Variants in WSCD1 observed in about 807,000 individuals in gnomAD.
The protein encoded by WSCD1 is sialate:O-sulfotransferase 1.
Under a neutral mutation model 60.4 loss-of-function variants are expected in WSCD1, and 41 were observed. That is an observed-to-expected ratio of 0.68 (90% CI 0.53 to 0.88). The LOEUF is 0.88. Ranked by LOEUF, WSCD1 falls within the 40% of genes least tolerant of loss-of-function variation. The pLI is 0.00. For missense variants in WSCD1, 784 were observed against 796.2 expected, an observed-to-expected ratio of 0.98 and a Z score of 0.18; for synonymous variants, 361 against 332.5, an observed-to-expected ratio of 1.09 and a Z score of -0.93.
intron 1 of WSCD1, among the ~76,000 whole-genome samples, chr17:6,071,424 A>C (rs1292612945): frequency 6.6e-6 from 1 of 152,164 alleles, no homozygotes; most frequent in Non-Finnish European, 1.5e-5. Flanking sequence ...TCCGCTGAGC[A>C]GTGGGAAGGC....
At chr17:6,086,387 G>A (rs1204611320) in intron 2 of WSCD1, among the ~76,000 whole-genome samples, 1 of 151,548 alleles carries the variant, frequency 6.6e-6, no homozygotes, top group Non-Finnish European at 1.5e-5. Flanking sequence ...CCAGGCTGGA[G>A]TGCAGTGGCA....
chr17:6,097,395 A>G (rs971577172), intron 5 of WSCD1, among the ~76,000 whole-genome samples: 3 of 152,250 alleles, frequency 2.0e-5, no homozygotes, highest in Non-Finnish European at 2.9e-5. Flanking sequence ...CTGGCTTCTC[A>G]TGTCTACTTC....
At chr17:6,116,899 A>G (rs1904328778) in intron 7 of WSCD1, among the ~76,000 whole-genome samples, 1 of 152,188 alleles carries the variant, frequency 6.6e-6, no homozygotes, top group South Asian at 2.1e-4. Flanking sequence ...GGCTGGGAGC[A>G]TGGGCTACAT....
At chr17:6,077,668 C>T (rs1252411811) in intron 1 of WSCD1, among the ~76,000 whole-genome samples, 1 of 152,196 alleles carries the variant, frequency 6.6e-6, no homozygotes, top group African/African-American at 2.4e-5. Flanking sequence ...CTCCTCACCC[C>T]AGCCCTACTT....
intron 4 of WSCD1, 129 bp from the exon 5 acceptor site, chr17:6,094,973 C>T (rs910813531): frequency 1.3e-5 from 18 of 1,417,716 alleles, no homozygotes; most frequent in East Asian, 9.4e-5. Flanking sequence ...CGTTTTCCCT[C>T]CCTGATTTGA....
chr17:6,119,581 C>A (rs1904518093), intron 8 of WSCD1, among the ~76,000 whole-genome samples: 1 of 152,180 alleles, frequency 6.6e-6, no homozygotes, highest in Admixed American at 6.5e-5. Flanking sequence ...TCTAGTCTTC[C>A]CCTTCCCCCA....
Position 6,120,463 on chromosome 17 carries a change from G to A in WSCD1, c.1530G>A (p.Val510=), listed in dbSNP as rs1881947841. ...GGGAGATGGTGGCCTTCCTCAACGT[G>A]TCTGTGAGCGAGGAGCGGCTGCTCT... ...TLREMVAFLN[V]SVSEERLLCV... The change falls in exon 9 of 9, where the codon GTG becomes GTA. Residue 510 remains valine (V), a synonymous_variant. Coordinates refer to ENST00000317744, the MANE Select transcript of WSCD1 (RefSeq NM_015253.2). 1.9e-6 allele frequency: 3 copies of A among 1,613,932 alleles called. No individual in the cohort carries two copies. The highest frequency in any genetic ancestry group is 2.5e-6 in the Non-Finnish European group (3 of 1,179,996).
chr17:6,076,003 C>A (rs552981974), intron 1 of WSCD1, among the ~76,000 whole-genome samples: 1 of 152,166 alleles, frequency 6.6e-6, no homozygotes. Flanking sequence ...AGCTTTGGCC[C>A]GGCATGACTT....
chr17:6,082,927 C>T (rs752216742), intron 2 of WSCD1, among the ~76,000 whole-genome samples: 6 of 152,138 alleles, frequency 3.9e-5, no homozygotes, highest in Admixed American at 6.6e-5. Context: ...CAAATAAAGA[C>T]TGGAGGGCTG....
chr17:6,087,501 T>C (rs1909733687), intron 2 of WSCD1, among the ~76,000 whole-genome samples: 2 of 152,356 alleles, frequency 1.3e-5, no homozygotes, highest in South Asian at 4.1e-4. Context: ...CTTTCCCCGT[T>C]TGAAAGATCT....
At chr17:6,100,001 G>A (rs985174981) in intron 5 of WSCD1, among the ~76,000 whole-genome samples, 1 of 152,096 alleles carries the variant, frequency 6.6e-6, no homozygotes, top group Admixed American at 6.5e-5. Context: ...TTGAATGCCT[G>A]CCTCAAGGTT....
Position 6,122,585 on chromosome 17 carries a change from C to T in WSCD1, c.*1924C>T, listed in dbSNP as rs1298423276. 1 of 152,328 alleles carries T rather than the reference C, an allele frequency of 6.6e-6. No individual in the cohort carries two copies. The highest frequency in any genetic ancestry group is 1.5e-5 in the Non-Finnish European group (1 of 68,138). The allele number at this position is 152,328 out of a possible 1,614,324, so 9.4% of individuals were successfully genotyped here. On this transcript the variant is annotated 3_prime_UTR_variant, in exon 9 of 9. Transcript: ENST00000317744. Reference sequence around the variant, plus strand: ...CGGGATAGCCAGGGCAGACCTGCATCCCAGAGCAAGCCTAGATCCTTGAAA... The same window carrying T: ...CGGGATAGCCAGGGCAGACCTGCATTCCAGAGCAAGCCTAGATCCTTGAAA...
At chr17:6,106,305 G>A (rs1201487801) in intron 5 of WSCD1, among the ~76,000 whole-genome samples, 1 of 152,190 alleles carries the variant, frequency 6.6e-6, no homozygotes, top group Non-Finnish European at 1.5e-5. Context: ...GCTTGCACAA[G>A]AATGTTCAGA....
upstream of WSCD1, chr17:6,069,256 T>C (rs1280116065): frequency 2.5e-6 from 1 of 398,846 alleles, no homozygotes; most frequent in Non-Finnish European, 4.4e-6. Context: ...GCAGATGCTG[T>C]GACTTGGCGG....
chr17:6,098,513 C>T (rs573210149), intron 5 of WSCD1, among the ~76,000 whole-genome samples: 68 of 152,238 alleles, frequency 4.5e-4, no homozygotes, highest in South Asian at 1.0e-3. Context: ...CTGCTATGGC[C>T]GGAGCAGTCG....
rs969040667 is a variant in WSCD1 at position 6,108,438 on chromosome 17, T to C, written c.850-1169T>C. 2.0e-5 allele frequency among the ~76,000 whole-genome samples: 3 copies of C among 152,180 alleles called. No individual in the cohort carries two copies. The South Asian group carries it at 6.2e-4, about 32-fold the overall frequency. On this transcript the variant is annotated intron_variant, in intron 5 of 8. Coordinates refer to ENST00000317744, the MANE Select transcript of WSCD1 (RefSeq NM_015253.2). Reference sequence around the variant, plus strand: ...GTCCTAGCATCTCCCGACTGTAGGATGCAGAGAAGGAAGAGATGAAAAGGG... The same window carrying C: ...GTCCTAGCATCTCCCGACTGTAGGACGCAGAGAAGGAAGAGATGAAAAGGG...
chr17:6,106,167 A>G (rs990360552), intron 5 of WSCD1, among the ~76,000 whole-genome samples: 2 of 152,266 alleles, frequency 1.3e-5, no homozygotes, highest in African/African-American at 4.8e-5. Flanking sequence ...TCTTGTGGAA[A>G]GAGGCAGACA....
At chr17:6,089,797 C>T (rs1392047995) in intron 3 of WSCD1, among the ~76,000 whole-genome samples, 2 of 152,194 alleles carry the variant, frequency 1.3e-5, no homozygotes, top group African/African-American at 2.4e-5. Context: ...CGGCACTCTG[C>T]AGGGCAGAGC....
intron 1 of WSCD1, among the ~76,000 whole-genome samples, chr17:6,073,268 C>T (rs377001665): frequency 1.3e-5 from 2 of 152,176 alleles, no homozygotes; most frequent in African/African-American, 4.8e-5. Flanking sequence ...GGGCTTGAGA[C>T]GACCCTTAAG....
Sources: gnomAD v4.1 joint callset for allele counts (sites outside exome capture counted in the v4.1 genomes callset) on GRCh38, gnomAD v4.1.1 for gene constraint, MANE v1.5 for transcripts, NCBI Gene and HGNC (gene_info 2026-07-23, HGNC 2026-07-21) for gene names.